MGAT4B: variants seen among roughly 807,000 people sequenced by gnomAD.
MGAT4B encodes alpha-1,3-mannosyl-glycoprotein 4-beta-N-acetylglucosaminyltransferase B.
A neutral mutation model predicts 73.9 loss-of-function variants in MGAT4B; 38 were observed. That is an observed-to-expected ratio of 0.51 (90% CI 0.40 to 0.67). MGAT4B has a LOEUF of 0.67. MGAT4B is among the 30% of genes least tolerant of loss of function. The pLI, the probability that MGAT4B is intolerant of heterozygous loss-of-function variation, is 0.00. For missense variants in MGAT4B, 686 were observed against 735.2 expected (o/e 0.93, Z 0.77); for synonymous variants, 373 against 313.5 (o/e 1.19, Z -2.01).
Position 179,799,328 on chromosome 5 carries a change from C to T in MGAT4B, c.1042-18G>A. The T allele has an allele frequency of 6.2e-7, 1 of 1,612,328 alleles. No individual in the cohort carries two copies. Among genetic ancestry groups the T allele is most frequent in the Non-Finnish European group, 8.5e-7 (1 of 1,179,322 alleles). On this transcript the variant is annotated intron_variant, in intron 9 of 14. Coordinates refer to ENST00000292591, the MANE Select transcript of MGAT4B (RefSeq NM_014275.5). ...CAGTGCTTCTGTGGAGGGTGGGCAA[C>T]ACCCCAGGGCTCGGCTTAGCCCTCC...
At position 179,799,583 on chromosome 5, in the gene MGAT4B, A is replaced by C. The variant is rs1756815868; in HGVS notation, c.964T>G (p.Phe322Val). 6.8e-6 allele frequency: 11 copies of C among 1,613,848 alleles called. No individual in the cohort carries two copies. Among genetic ancestry groups the C allele is most frequent in the Non-Finnish European group, 2.5e-6 (3 of 1,180,036 alleles). Residue 322 changes from phenylalanine to valine, a missense_variant, in exon 9 of 15, where the codon TTC (phenylalanine) becomes GTC (valine). By Grantham distance (50) the Phe-to-Val change is conservative. This residue lies in a region of MGAT4B where 449 missense variants were observed against 536.8 expected (regional missense o/e 0.84). Transcript: ENST00000292591. ...CAGTCGATGGGCTTGTCCCGGTAGA[A>C]CATGAGAATGAACTCTACAATCAGG... is the stretch of plus-strand genomic sequence containing the variant. ...LSLIVEFILM[F>V]YRDKPIDWLL...
In MGAT4B at chr5:179,797,745, G is replaced by A. The variant is rs372990744; in HGVS notation, c.*300C>T. 1.6e-5 allele frequency: 6 copies of A among 378,528 alleles called. No individual in the cohort carries two copies. The highest frequency in any genetic ancestry group is 6.9e-4 in the Middle Eastern group (1 of 1,450). 23.4% of individuals were successfully genotyped at this position (378,528 alleles called of 1,614,324 possible). ...GCATTCCAGTGTTCGCGCCAGAGAC[G>A]GCGGGCGCCCAAGTAAAAGCTCTTC... On this transcript the variant is annotated 3_prime_UTR_variant, in exon 15 of 15. Coordinates refer to ENST00000292591, the MANE Select transcript of MGAT4B (RefSeq NM_014275.5).
chr5:179,804,692 C>T lies in MGAT4B; in HGVS notation c.97+1795G>A, dbSNP rs1049183194. On this transcript the variant is annotated intron_variant, in intron 1 of 14. Transcript: ENST00000292591. ...TGCAGATTCCACTTCCTGGGTCCTT[C>T]CCTCAAGTTCCTGGACCCCCGCTGG... Among the ~76,000 whole-genome samples the T allele has an allele frequency of 5.3e-5, 8 of 152,190 alleles. 1 individual carries two copies. Among genetic ancestry groups the T allele is most frequent in the African/African-American group, 1.9e-4 (8 of 41,450 alleles).
chr5:179,799,940 G>C lies in MGAT4B; in HGVS notation c.910+14C>G. ...GGGACTGAAAGGCACCGTCAGGTAA[G>C]GGGAGGGGCACACCAATGAAGCCCA... On this transcript the variant is annotated intron_variant, in intron 8 of 14. Coordinates refer to ENST00000292591, the MANE Select transcript of MGAT4B (RefSeq NM_014275.5). 2 of 1,601,360 alleles carry C rather than the reference G, an allele frequency of 1.2e-6. No homozygotes were observed. Among genetic ancestry groups the C allele is most frequent in the South Asian group, 1.1e-5 (1 of 90,728 alleles).
At chr5:179,798,896 C>T in intron 11 of MGAT4B, 32 bp downstream of exon 11, 1 of 1,612,190 alleles carries the variant, frequency 6.2e-7, no homozygotes, top group Non-Finnish European at 8.5e-7. Context: ...CCAGCCCCGC[C>T]CCCATCGCAG....
rs950942084 is a variant in MGAT4B at position 179,799,131 on chromosome 5, A to G, written c.1150-10T>C. On this transcript the variant is annotated splice_polypyrimidine_tract_variant and intron_variant, in intron 10 of 14. Coordinates refer to ENST00000292591, the MANE Select transcript of MGAT4B (RefSeq NM_014275.5). Reference sequence around the variant, plus strand: ...TTCCAAAGTCTTTGTCCTGCAGCGGAGGAGGGACAGCAGTGATGGCGTGGG... The same window carrying G: ...TTCCAAAGTCTTTGTCCTGCAGCGGGGGAGGGACAGCAGTGATGGCGTGGG... The G allele has an allele frequency of 4.3e-6, 7 of 1,613,774 alleles. No homozygotes were observed. The African/African-American group carries it at 8.0e-5, about 18-fold the overall frequency.
rs1756908960 is a variant in MGAT4B at position 179,801,188 on chromosome 5, T to C, written c.558+146A>G. On this transcript the variant is annotated intron_variant, in intron 4 of 14. Coordinates refer to ENST00000292591, the MANE Select transcript of MGAT4B (RefSeq NM_014275.5). The surrounding 1 kb of genome is among the most constrained non-coding windows in gnomAD (Gnocchi z 4.8). ...AGGGGTAGAGGGTGCCAGAAAGCCC[T>C]TTCAACTTTCTATCTCGGAGCATTT... 7.7e-7 allele frequency: 1 copy of C among 1,298,724 alleles called. No homozygotes were observed. The highest frequency in any genetic ancestry group is 1.5e-5 in the African/African-American group (1 of 67,538). 80.5% of individuals were successfully genotyped at this position (1,298,724 alleles called of 1,614,324 possible).
At chr5:179,804,076 AG>A (rs2113440072) in intron 1 of MGAT4B, among the ~76,000 whole-genome samples, 1 of 152,360 alleles carries the variant, frequency 6.6e-6, no homozygotes, top group South Asian at 2.1e-4. Context: ...AGCAGCAATG[AG>A]GCCTGGAGGC....
In MGAT4B at chr5:179,801,981, AG is replaced by A. The variant is rs766807319; in HGVS notation, c.98-13del. On this transcript the variant is annotated splice_polypyrimidine_tract_variant and intron_variant, in intron 1 of 14. Transcript: ENST00000292591. This position sits in a 1 kb window ranked among gnomAD's most constrained non-coding sequence, Gnocchi z 4.8. ...GTCCACAACGTCGCCTGCAGGTGGTAGGCAAGCCGTCACGAGGGGGCGGTCT... is the reference window on the plus strand; with the variant it reads ...GTCCACAACGTCGCCTGCAGGTGGTAGCAAGCCGTCACGAGGGGGCGGTCT... 44 of 1,613,250 alleles carry A rather than the reference AG, an allele frequency of 2.7e-5. No individual in the cohort carries two copies. Among genetic ancestry groups the A allele is most frequent in the Non-Finnish European group, 3.6e-5 (42 of 1,180,000 alleles).
Position 179,801,425 on chromosome 5 carries a change from T to C in MGAT4B, c.467A>G (p.His156Arg), listed in dbSNP as rs1284937605. 1 of 1,611,538 alleles carries C rather than the reference T, an allele frequency of 6.2e-7. No homozygotes were observed. The highest frequency in any genetic ancestry group is 1.7e-5 in the Admixed American group (1 of 59,970). Residue 156 changes from histidine to arginine, a missense_variant, in exon 4 of 15, where the codon CAC becomes CGC. By Grantham distance (29) the His-to-Arg change is conservative. This residue lies in a region of MGAT4B where 449 missense variants were observed against 536.8 expected (regional missense o/e 0.84). Transcript: ENST00000292591. The surrounding 1 kb of genome is among the most constrained non-coding windows in gnomAD (Gnocchi z 4.8). ...MGIPSVRREV[H>R]SYLTDTLHSL... The stretch of plus-strand genomic sequence containing the variant: ...GTGCAGAGTGTCAGTCAGGTACGAG[T>C]GCACCTCGCGCCGCACGCTCGGGAT...
At chr5:179,805,086 C>G (rs1394653241) in intron 1 of MGAT4B, 1 of 152,254 alleles carries the variant, frequency 6.6e-6, no homozygotes. Context: ...GGAGCCAGTG[C>G]CTCTCCCTCA....
chr5:179,803,296 G>A (rs1388402916), intron 1 of MGAT4B: 16 of 983,136 alleles, frequency 1.6e-5, no homozygotes, highest in Non-Finnish European at 1.9e-5. Context: ...AGCCCCTGGC[G>A]GGAGGGAAAG....
At chr5:179,798,093 G>A (rs757349151) in intron 14 of MGAT4B, 25 bp from the exon 15 acceptor site, 72 of 1,607,590 alleles carry the variant, frequency 4.5e-5, no homozygotes, top group Non-Finnish European at 5.9e-5. Flanking sequence ...CCCAGGGTCA[G>A]CAGGGCCTCT....
chr5:179,803,123 C>T, intron 1 of MGAT4B: 1 of 985,530 alleles, frequency 1.0e-6, no homozygotes, highest in Non-Finnish European at 1.2e-6. Flanking sequence ...TGCCAAGTGA[C>T]CAGGGAAGAG....
At position 179,798,580 on chromosome 5, in the gene MGAT4B, C is replaced by T. The variant is rs751247174; in HGVS notation, c.1355G>A (p.Arg452His). ...CTCCGGGTGCTCGATGTTCCCACTG[C>T]GGAAGAAGAACCTGCAGCCAGGCAG... ...QPLRLERFFF[R>H]SGNIEHPEDK... Residue 452 changes from arginine to histidine, a missense_variant, in exon 12 of 15, where the codon CGC becomes CAC. Transcript: ENST00000292591. 9.3e-6 allele frequency: 15 copies of T among 1,613,438 alleles called. No homozygotes were observed. The highest frequency in any genetic ancestry group is 1.2e-5 in the Non-Finnish European group (14 of 1,180,004).
At position 179,801,313 on chromosome 5, in the gene MGAT4B, C is replaced by A; in HGVS notation, c.558+21G>T. 1 of 1,598,490 alleles carries A rather than the reference C, an allele frequency of 6.3e-7. No homozygotes were observed. The highest frequency in any genetic ancestry group is 8.5e-7 in the Non-Finnish European group (1 of 1,170,018). On this transcript the variant is annotated intron_variant, in intron 4 of 14. Coordinates refer to ENST00000292591, the MANE Select transcript of MGAT4B (RefSeq NM_014275.5). This position sits in a 1 kb window ranked among gnomAD's most constrained non-coding sequence, Gnocchi z 4.8. ...GGGGCTCCTCTGAATGTCCCCCAAC[C>A]CCGCGTCCCGGCTCACTCGCCTCGG...
intron 1 of MGAT4B, chr5:179,802,829 C>G (rs1348260037): frequency 3.0e-6 from 3 of 985,464 alleles, no homozygotes; most frequent in Non-Finnish European, 2.4e-6. Context: ...TGCCCACAGT[C>G]CACGCAGCAG....
At chr5:179,802,670 CCT>C (rs1021917572) in intron 1 of MGAT4B, 14 of 986,174 alleles carry the variant, frequency 1.4e-5, no homozygotes, top group South Asian at 9.4e-5. Flanking sequence ...CCAGGGGGCC[CCT>C]GTCAGAACCT....
chr5:179,802,330 C>A lies in MGAT4B; in HGVS notation c.98-361G>T, dbSNP rs941838015. ...CGCTCCATCCGTTGGCCTCCAAAGCCCACTCTTGCTTTTTGCAGCACACGC... is the reference window on the plus strand; with the variant it reads ...CGCTCCATCCGTTGGCCTCCAAAGCACACTCTTGCTTTTTGCAGCACACGC... On this transcript the variant is annotated intron_variant, in intron 1 of 14. Coordinates refer to ENST00000292591, the MANE Select transcript of MGAT4B (RefSeq NM_014275.5). The A allele has an allele frequency of 2.2e-6, 3 of 1,352,492 alleles. No homozygotes were observed. The African/African-American group carries it at 4.4e-5, about 20-fold the overall frequency. 83.8% of individuals were successfully genotyped at this position (1,352,492 alleles called of 1,614,324 possible).
Sources: gnomAD v4.1 joint callset for allele counts (sites outside exome capture counted in the v4.1 genomes callset) on GRCh38, gnomAD v4.1.1 for gene constraint, gnomAD v4.1.1 regional missense constraint, Gnocchi (gnomAD v3.1) non-coding constraint, MANE v1.5 for transcripts, NCBI Gene and HGNC (gene_info 2026-07-23, HGNC 2026-07-21) for gene names.